TLL2: variants seen among roughly 807,000 people sequenced by gnomAD.
TLL2 encodes the protein tolloid like 2.
A neutral mutation model predicts 123.0 loss-of-function variants in TLL2; 106 were observed. The observed-to-expected ratio is 0.86, with a 90% CI of 0.74 to 1.01. The LOEUF (loss-of-function observed/expected upper bound fraction) is 1.01. Ranked by LOEUF, TLL2 falls within the 50% of genes least tolerant of loss-of-function variation. The pLI, the probability that TLL2 is intolerant of heterozygous loss-of-function variation, is 0.00. For synonymous variants in TLL2, 494 were observed against 516.8 expected, an observed-to-expected ratio of 0.96 and a Z score of 0.60; for missense variants, 1,332 against 1,336.7, an observed-to-expected ratio of 1.00 and a Z score of 0.06.
At chr10:96,485,429 A>G (rs984805973) in intron 1 of TLL2, among the ~76,000 whole-genome samples, 2 of 152,220 alleles carry the variant, frequency 1.3e-5, no homozygotes, top group Non-Finnish European at 2.9e-5. Context: ...AGAATATAAA[A>G]TGAACTCTTA....
chr10:96,456,337 C>T (rs552905572), intron 2 of TLL2, among the ~76,000 whole-genome samples: 2 of 152,280 alleles, frequency 1.3e-5, no homozygotes, highest in South Asian at 4.2e-4. Flanking sequence ...GGCTCACAGA[C>T]ACATGTGTGT....
Position 96,476,248 on chromosome 10 carries a change from T to TTTTTTTTTTTTTTTG in TLL2, c.286+4100_286+4101insCAAAAAAAAAAAAAA, listed in dbSNP as rs1285354320. Among the ~76,000 whole-genome samples, 47 of 69,206 alleles carry TTTTTTTTTTTTTTTG rather than the reference T, an allele frequency of 6.8e-4. 3 individuals carry two copies. Among genetic ancestry groups the TTTTTTTTTTTTTTTG allele is most frequent in the African/African-American group, 1.1e-3 (18 of 16,064 alleles). 45.4% of individuals were successfully genotyped at this position (69,206 alleles called of 152,430 possible). ...TATATATATATATATATATTTTATT[T>TTTTTTTTTTTTTTTG]TTGTTGTTGTTGTTGTTGTTGAGAC... On this transcript the variant is annotated intron_variant, in intron 2 of 20. Transcript: ENST00000357947.
At chr10:96,478,028 A>T (rs532092417) in intron 2 of TLL2, among the ~76,000 whole-genome samples, 1 of 152,276 alleles carries the variant, frequency 6.6e-6, no homozygotes, top group African/African-American at 2.4e-5. Context: ...AGGCCTCCAA[A>T]TTCTTAGGTC....
At chr10:96,435,160 T>C (rs930205764) in intron 3 of TLL2, among the ~76,000 whole-genome samples, 1 of 151,702 alleles carries the variant, frequency 6.6e-6, no homozygotes, top group Non-Finnish European at 1.5e-5. Context: ...GCCTCCTGAG[T>C]AGCTGGGACT....
intron 10 of TLL2, among the ~76,000 whole-genome samples, chr10:96,400,323 G>A (rs926488393): frequency 1.1e-4 from 14 of 128,288 alleles, no homozygotes; most frequent in African/African-American, 3.9e-4. Context: ...TTCATCATCA[G>A]TATCACTTTC....
At chr10:96,495,676 A>G (rs1329195814) in intron 1 of TLL2, among the ~76,000 whole-genome samples, 2 of 152,156 alleles carry the variant, frequency 1.3e-5, no homozygotes, top group Non-Finnish European at 2.9e-5. Flanking sequence ...GCGCGTTTGC[A>G]GAACAGGAGG....
intron 7 of TLL2, among the ~76,000 whole-genome samples, chr10:96,415,879 A>G (rs1846556119): frequency 6.7e-6 from 1 of 148,296 alleles, no homozygotes; most frequent in Non-Finnish European, 1.5e-5. Flanking sequence ...GTTTTTGTGC[A>G]GACTTTTTTT....
chr10:96,379,206 C>T (rs1399716180), intron 16 of TLL2, 114 bp from the exon 17 acceptor site: 5 of 1,341,244 alleles, frequency 3.7e-6, no homozygotes, highest in South Asian at 2.7e-5. Context: ...GATTGCTCCC[C>T]TTCCCCCTCT....
In TLL2 at chr10:96,397,213, C is replaced by G; in HGVS notation, c.1357G>C (p.Gly453Arg). The G allele has an allele frequency of 6.2e-7, 1 of 1,613,792 alleles. No individual in the cohort carries two copies. The highest frequency in any genetic ancestry group is 1.3e-5 in the African/African-American group (1 of 75,014). Residue 453 changes from glycine to arginine, a missense_variant, in exon 11 of 21, where the codon GGC (glycine) becomes CGC (arginine). Transcript: ENST00000357947. ...TCGTACGCTGCAAAGAAGCCCTTGC[C>G]CAAGATGTTGCTGCTGCTGCGGAAC... ...VEFRSSSNIL[G>R]KGFFAAYEAT...
At chr10:96,478,485 C>T (rs1847280871) in intron 2 of TLL2, among the ~76,000 whole-genome samples, 1 of 152,222 alleles carries the variant, frequency 6.6e-6, no homozygotes, top group African/African-American at 2.4e-5. Context: ...CTCCTGGGCA[C>T]AGGCCCAGTG....
At chr10:96,379,132 C>T in intron 16 of TLL2, 40 bp from the exon 17 acceptor site, 7 of 1,586,172 alleles carry the variant, frequency 4.4e-6, no homozygotes, top group Non-Finnish European at 4.3e-6. Context: ...GAACCGCCAA[C>T]TTGCAAATGT....
intron 16 of TLL2, among the ~76,000 whole-genome samples, chr10:96,382,694 C>T (rs1846196743): frequency 1.3e-5 from 2 of 152,358 alleles, no homozygotes; most frequent in South Asian, 4.1e-4. Context: ...CATGTGGTGC[C>T]TTTCACCTTG....
chr10:96,368,301 T>C, intron 20 of TLL2, 79 bp from the exon 21 acceptor site: 1 of 1,536,620 alleles, frequency 6.5e-7, no homozygotes, highest in Non-Finnish European at 8.9e-7. Flanking sequence ...GACAGGATCT[T>C]ATGCAAGGAC....
At position 96,472,184 on chromosome 10, in the gene TLL2, G is replaced by A. The variant is rs141288526; in HGVS notation, c.286+8165C>T. On this transcript the variant is annotated intron_variant, in intron 2 of 20. Coordinates refer to ENST00000357947, the MANE Select transcript of TLL2 (RefSeq NM_012465.4). The stretch of plus-strand genomic sequence containing the variant: ...TGAGATTTCTCAGAGATGGCACTTG[G>A]CAATGCATGACGTGAGAGAAGACAG... 5.3e-5 allele frequency among the ~76,000 whole-genome samples: 8 copies of A among 152,242 alleles called. No individual in the cohort carries two copies. The East Asian group carries it at 1.5e-3, about 29-fold the overall frequency.
chr10:96,479,831 C>T (rs914571967), intron 2 of TLL2, among the ~76,000 whole-genome samples: 1 of 152,170 alleles, frequency 6.6e-6, no homozygotes, highest in Non-Finnish European at 1.5e-5. Flanking sequence ...TAAGGAGAGT[C>T]CCCCCATACT....
At chr10:96,485,823 G>A (rs533525531) in intron 1 of TLL2, among the ~76,000 whole-genome samples, 2 of 152,266 alleles carry the variant, frequency 1.3e-5, no homozygotes, top group Admixed American at 6.5e-5. Flanking sequence ...TGAGCCCTTC[G>A]GTTTCCCACT....
intron 4 of TLL2, among the ~76,000 whole-genome samples, chr10:96,430,238 T>C (rs1846723846): frequency 6.6e-6 from 1 of 152,206 alleles, no homozygotes; most frequent in Non-Finnish European, 1.5e-5. Context: ...GCTCTCGCTC[T>C]GAGTTCATGA....
rs756984555 is a variant in TLL2 at position 96,397,190 on chromosome 10, G to A, written c.1380C>T (p.Tyr460=). The A allele has an allele frequency of 2.0e-5, 32 of 1,613,126 alleles. No individual in the cohort carries two copies. The highest frequency in any genetic ancestry group is 2.6e-5 in the Non-Finnish European group (31 of 1,179,504). Residue 460 remains tyrosine, a synonymous_variant, in exon 11 of 21, where the codon TAC becomes TAT. Transcript: ENST00000357947. The part of the protein sequence containing the change: ...NILGKGFFAA[Y]EATCGGDMNK... Reference sequence around the variant, plus strand: ...CTGCTTTCACCTCGCACAAACCTTCGTACGCTGCAAAGAAGCCCTTGCCCA... The same window carrying A: ...CTGCTTTCACCTCGCACAAACCTTCATACGCTGCAAAGAAGCCCTTGCCCA...
chr10:96,376,714 G>A lies in TLL2; in HGVS notation c.2426C>T (p.Thr809Ile). 6.2e-7 allele frequency: 1 copy of A among 1,610,178 alleles called. No homozygotes were observed. The highest frequency in any genetic ancestry group is 8.5e-7 in the Non-Finnish European group (1 of 1,178,428). ...RRECTWNISS[T>I]AGHRVKLTFN... ...CACGAGTTTCACTCTGTGGCCTGCA[G>A]TCGAAGAGATGTTCCAGGTACACTC... Residue 809 changes from threonine to isoleucine, a missense_variant, in exon 18 of 21, where the codon ACT becomes ATT. Physicochemically the swap from Thr to Ile is moderately conservative, Grantham distance 89. Transcript: ENST00000357947.
Sources: gnomAD v4.1 joint callset for allele counts (sites outside exome capture counted in the v4.1 genomes callset) on GRCh38, gnomAD v4.1.1 for gene constraint, MANE v1.5 for transcripts, NCBI Gene and HGNC (gene_info 2026-07-23, HGNC 2026-07-21) for gene names.